PPM1D: variants seen among roughly 807,000 people sequenced by gnomAD.
PPM1D encodes the protein protein phosphatase 1D.
A neutral mutation model predicts 58.3 loss-of-function variants in PPM1D; 52 were observed. The observed-to-expected ratio is 0.89, with a 90% CI of 0.71 to 1.12. The LOEUF (loss-of-function observed/expected upper bound fraction) is 1.12, where lower values mean the gene tolerates loss of function less well. Among genes scored for constraint, PPM1D ranks in the 50% most tolerant of loss-of-function variants. PPM1D has a pLI of 0.00. For synonymous variants in PPM1D, 278 were observed against 285.1 expected (o/e 0.98, Z 0.25); for missense variants, 564 against 777.2 (o/e 0.73, Z 3.26).
chr17:60,615,367 G>A (rs1342466015), intron 1 of PPM1D, among the ~76,000 whole-genome samples: 1 of 152,062 alleles, frequency 6.6e-6, no homozygotes, highest in Non-Finnish European at 1.5e-5. Flanking sequence ...CCAAGATCAT[G>A]CCACTGCATT....
intron 4 of PPM1D, among the ~76,000 whole-genome samples, chr17:60,653,412 A>G (rs1266623979): frequency 6.6e-6 from 1 of 152,180 alleles, no homozygotes; most frequent in Admixed American, 6.5e-5. Context: ...TTTTTGTAGC[A>G]GTACCATGCT....
chr17:60,645,456 A>ATGTGTGTGTG lies in PPM1D; in HGVS notation c.827-2408_827-2399dup, dbSNP rs371276467. 3.0e-3 allele frequency among the ~76,000 whole-genome samples: 374 copies of ATGTGTGTGTG among 123,898 alleles called. 1 individual carries two copies. The highest frequency in any genetic ancestry group is 0.01 in the African/African-American group (326 of 31,988). 81.3% of individuals were successfully genotyped at this position (123,898 alleles called of 152,430 possible). On this transcript the variant is annotated intron_variant, in intron 3 of 5. Coordinates refer to ENST00000305921, the MANE Select transcript of PPM1D (RefSeq NM_003620.4). ...TTCACCAAAGCAATGTAAAATATAT[A>ATGTGTGTGTG]TGTGTGTGTGTGTGTGTGTGTGTGT...
chr17:60,619,467 T>G (rs916804922), intron 1 of PPM1D, among the ~76,000 whole-genome samples: 1 of 152,228 alleles, frequency 6.6e-6, no homozygotes, highest in Non-Finnish European at 1.5e-5. Flanking sequence ...TATAATATTT[T>G]CCATAATAGC....
chr17:60,641,526 C>T (rs2031133942), intron 3 of PPM1D, among the ~76,000 whole-genome samples: 2 of 152,102 alleles, frequency 1.3e-5, no homozygotes, highest in Non-Finnish European at 2.9e-5. Context: ...TATTTTCTCC[C>T]TTTCTGTAGG....
chr17:60,661,614 A>C (rs980822039), intron 5 of PPM1D, among the ~76,000 whole-genome samples: 1 of 152,150 alleles, frequency 6.6e-6, no homozygotes. Context: ...TTTTAAAAAC[A>C]ATAAAGTGCC....
At chr17:60,624,619 G>A (rs1185321991) in intron 2 of PPM1D, among the ~76,000 whole-genome samples, 3 of 151,154 alleles carry the variant, frequency 2.0e-5, no homozygotes, top group Admixed American at 1.3e-4. Context: ...AAACCCCGTC[G>A]CTACTAAAAA....
In PPM1D at chr17:60,600,301, C is replaced by T; in HGVS notation, c.-114C>T. 1 of 1,457,870 alleles carries T rather than the reference C, an allele frequency of 6.9e-7. No homozygotes were observed. The highest frequency in any genetic ancestry group is 9.0e-7 in the Non-Finnish European group (1 of 1,111,908). 90.3% of individuals were successfully genotyped at this position (1,457,870 alleles called of 1,614,324 possible). ...CCCCTTCTCCGGGTCCGCCCCCTCCCCCTTCTCGGCGTCGTCGAAGATAAA... is the reference window on the plus strand; with the variant it reads ...CCCCTTCTCCGGGTCCGCCCCCTCCTCCTTCTCGGCGTCGTCGAAGATAAA... On this transcript the variant is annotated 5_prime_UTR_variant, in exon 1 of 6. Coordinates refer to ENST00000305921, the MANE Select transcript of PPM1D (RefSeq NM_003620.4).
intron 3 of PPM1D, among the ~76,000 whole-genome samples, chr17:60,645,019 A>T (rs1191830036): frequency 6.6e-6 from 1 of 152,200 alleles, no homozygotes; most frequent in Non-Finnish European, 1.5e-5. Context: ...AGAAGAAACA[A>T]TCCCTTCTTC....
chr17:60,639,093 A>G (rs1427307399), intron 3 of PPM1D, among the ~76,000 whole-genome samples: 1 of 152,158 alleles, frequency 6.6e-6, no homozygotes, highest in Non-Finnish European at 1.5e-5. Context: ...GGCATTCATC[A>G]GATGATAACA....
intron 1 of PPM1D, among the ~76,000 whole-genome samples, chr17:60,614,004 CCAAGGGCTGAGGAGTGTGGGCG>C (rs1211540945): frequency 1.3e-5 from 2 of 152,108 alleles, no homozygotes; most frequent in African/African-American, 4.8e-5. Flanking sequence ...GAGTGCGGGC[CCAAGGGCTGAGGAGTGTGGGCG>C]CAAGGCCCGG....
chr17:60,647,820 C>T (rs1186771522), intron 3 of PPM1D, 72 bp from the exon 4 acceptor site: 2 of 1,423,222 alleles, frequency 1.4e-6, no homozygotes, highest in Non-Finnish European at 1.9e-6. Context: ...TAGATTTTCT[C>T]TTTTAATCTG....
intron 2 of PPM1D, among the ~76,000 whole-genome samples, chr17:60,633,508 A>T (rs992756932): frequency 6.6e-6 from 1 of 152,072 alleles, no homozygotes; most frequent in Non-Finnish European, 1.5e-5. Context: ...TCCCGAGTTC[A>T]AGCAGTTCTC....
intron 3 of PPM1D, among the ~76,000 whole-genome samples, chr17:60,641,364 A>C (rs916355251): frequency 1.3e-5 from 2 of 152,102 alleles, no homozygotes; most frequent in African/African-American, 4.8e-5. Context: ...GGAGCTTTTT[A>C]TGATTCTTGG....
chr17:60,636,257 A>G (rs1450502948), intron 3 of PPM1D, among the ~76,000 whole-genome samples: 3 of 152,206 alleles, frequency 2.0e-5, no homozygotes, highest in Non-Finnish European at 4.4e-5. Flanking sequence ...CCTCAAGTAT[A>G]TCAAATAATT....
At chr17:60,608,962 T>A (rs185513518) in intron 1 of PPM1D, among the ~76,000 whole-genome samples, 1 of 151,950 alleles carries the variant, frequency 6.6e-6, no homozygotes, top group Non-Finnish European at 1.5e-5. Context: ...TTAGCCAGGA[T>A]GGTCTCGATC....
At chr17:60,631,964 G>A (rs994438055) in intron 2 of PPM1D, among the ~76,000 whole-genome samples, 1 of 151,786 alleles carries the variant, frequency 6.6e-6, no homozygotes, top group East Asian at 1.9e-4. Context: ...GGATCACGAG[G>A]TCAGGAGATC....
At chr17:60,612,305 G>T (rs2030474471) in intron 1 of PPM1D, among the ~76,000 whole-genome samples, 1 of 152,000 alleles carries the variant, frequency 6.6e-6, no homozygotes, top group Non-Finnish European at 1.5e-5. Flanking sequence ...GTCATATGTT[G>T]CTTAACAACA....
chr17:60,643,400 G>T (rs762659307), intron 3 of PPM1D, among the ~76,000 whole-genome samples: 1 of 152,072 alleles, frequency 6.6e-6, no homozygotes, highest in Admixed American at 6.6e-5. Flanking sequence ...AAACCTTTTT[G>T]GGGTTGGGAA....
chr17:60,652,430 T>G (rs191881693), intron 4 of PPM1D, among the ~76,000 whole-genome samples: 3 of 152,314 alleles, frequency 2.0e-5, no homozygotes, highest in Admixed American at 2.0e-4. Flanking sequence ...ATATTTGGAC[T>G]GTTGTGAATA....
Sources: allele counts gnomAD v4.1 joint callset (sites outside exome capture counted in the v4.1 genomes callset), GRCh38; gene constraint gnomAD v4.1.1; transcripts MANE v1.5; gene names NCBI Gene and HGNC (gene_info 2026-07-23, HGNC 2026-07-21).